The following ATP10B variants were observed in gnomAD, a reference collection of about 807,000 sequenced individuals.
The protein encoded by ATP10B is ATPase phospholipid transporting 10B (putative), also known as phospholipid-transporting ATPase VB.
In ATP10B, 122 loss-of-function variants were observed where a neutral mutation model predicts 141.2. The observed-to-expected ratio is 0.86, with a 90% confidence interval of 0.75 to 1.00. The LOEUF (loss-of-function observed/expected upper bound fraction) is 1.00. Among genes scored for constraint, ATP10B ranks in the 50% least tolerant of loss-of-function variants. The probability of loss-of-function intolerance (pLI) is 0.00; values close to 1 mark genes in which losing one functional copy is unlikely to be tolerated. For missense variants in ATP10B, 1,876 were observed against 1,825.3 expected, an observed-to-expected ratio of 1.03 and a Z score of -0.51; for synonymous variants, 685 against 692.0, an observed-to-expected ratio of 0.99 and a Z score of 0.16.
the ATP10B span, among the ~76,000 whole-genome samples, chr5:160,872,159 C>A: frequency 6.6e-6 from 1 of 152,094 alleles, no homozygotes; most frequent in African/African-American, 2.4e-5. Context: ...AGCATTTTTT[C>A]ATATATCTAT....
At chr5:160,894,402 A>C in the ATP10B span, among the ~76,000 whole-genome samples, 12 of 152,006 alleles carry the variant, frequency 7.9e-5, no homozygotes, top group African/African-American at 2.9e-4. Context: ...AACTTTGTGA[A>C]GCATATACAA....
chr5:160,606,660 C>T (rs2127631273), intron 19 of ATP10B, 105 bp downstream of exon 19: 1 of 1,136,240 alleles, frequency 8.8e-7, no homozygotes. Flanking sequence ...CAATGACTCA[C>T]AGCCTAAGCA....
chr5:160,761,435 C>G lies in ATP10B; in HGVS notation c.-331+24124G>C, dbSNP rs553444519. ...GCCAGCACCAGCCTACATTCCCCAG[C>G]ACCAGGGCCCAGTAGCCTTGCTGGG... is the stretch of plus-strand genomic sequence containing the variant. On this transcript the variant is annotated intron_variant, in intron 2 of 25. Coordinates refer to ENST00000327245, the MANE Select transcript of ATP10B (RefSeq NM_025153.3). Among the ~76,000 whole-genome samples, 3 of 146,830 alleles carry G rather than the reference C, an allele frequency of 2.0e-5. No homozygotes were observed. The South Asian group carries it at 6.5e-4, about 32-fold the overall frequency.
chr5:160,913,663 C>T, the ATP10B span, among the ~76,000 whole-genome samples: 21 of 152,244 alleles, frequency 1.4e-4, no homozygotes, highest in East Asian at 3.9e-4. Context: ...AAAAAGCTGA[C>T]GGCATTTAAA....
At chr5:160,874,838 A>G in the ATP10B span, among the ~76,000 whole-genome samples, 12 of 148,026 alleles carry the variant, frequency 8.1e-5, 1 homozygote, top group African/African-American at 2.0e-4. Context: ...TAGAGAAAAA[A>G]GAATAAAAAG....
intron 1 of ATP10B, among the ~76,000 whole-genome samples, chr5:160,849,875 T>A (rs931401209): frequency 8.5e-5 from 13 of 152,134 alleles, no homozygotes; most frequent in Non-Finnish European, 1.6e-4. Flanking sequence ...AAAAGAATTG[T>A]AAAACAATGT....
chr5:160,927,709 G>A, the ATP10B span, among the ~76,000 whole-genome samples: 1 of 152,230 alleles, frequency 6.6e-6, no homozygotes, highest in Non-Finnish European at 1.5e-5. Context: ...AAGCCCAGCG[G>A]ACACAGTAGT....
At chr5:160,671,156 C>A (rs1581322401) in intron 6 of ATP10B, among the ~76,000 whole-genome samples, 1 of 113,558 alleles carries the variant, frequency 8.8e-6, no homozygotes, top group Non-Finnish European at 1.7e-5. Context: ...CAAAGCAAGA[C>A]TCTGTCTCAA....
At chr5:160,679,798 C>A (rs1328356572) in intron 6 of ATP10B, among the ~76,000 whole-genome samples, 1 of 152,146 alleles carries the variant, frequency 6.6e-6, no homozygotes, top group Non-Finnish European at 1.5e-5. Context: ...AAGGAACCAC[C>A]CTGGATTCCC....
At chr5:160,825,058 T>C (rs1305704160) in intron 1 of ATP10B, among the ~76,000 whole-genome samples, 2 of 152,220 alleles carry the variant, frequency 1.3e-5, no homozygotes, top group Non-Finnish European at 2.9e-5. Context: ...TTTGTTTATG[T>C]CACTATTACA....
chr5:160,685,080 C>G (rs1418344129), intron 6 of ATP10B: 3 of 703,470 alleles, frequency 4.3e-6, no homozygotes, highest in Non-Finnish European at 7.8e-6. Context: ...ACACGGTGTA[C>G]TTGCTGGTCT....
the ATP10B span, among the ~76,000 whole-genome samples, chr5:160,881,578 C>T: frequency 3.3e-4 from 50 of 152,116 alleles, no homozygotes; most frequent in African/African-American, 9.9e-4. Context: ...TTTGGGAGGC[C>T]GAGGCGGGTG....
In ATP10B at chr5:160,662,527, G is replaced by C. The variant is rs1344354502; in HGVS notation, c.675+7936C>G. Among the ~76,000 whole-genome samples the C allele has an allele frequency of 4.4e-3, 674 of 152,118 alleles. 4 individuals carry two copies. Among genetic ancestry groups the C allele is most frequent in the Non-Finnish European group, 7.1e-3 (484 of 67,940 alleles). ...ACTATCTGATCTTTGACAAACCTGA[G>C]AAAAACAAGCAATGGGGAAAGGATT... On this transcript the variant is annotated intron_variant, in intron 7 of 25. Coordinates refer to ENST00000327245, the MANE Select transcript of ATP10B (RefSeq NM_025153.3).
intron 7 of ATP10B, among the ~76,000 whole-genome samples, chr5:160,658,205 G>C (rs986856378): frequency 1.3e-5 from 2 of 152,234 alleles, no homozygotes; most frequent in Non-Finnish European, 1.5e-5. Flanking sequence ...GATGGTGGTT[G>C]AGTAAATGAA....
At chr5:160,890,039 C>T in the ATP10B span, among the ~76,000 whole-genome samples, 1 of 152,192 alleles carries the variant, frequency 6.6e-6, no homozygotes, top group Non-Finnish European at 1.5e-5. Flanking sequence ...TGACTCCCTC[C>T]TGGCAATGTG....
chr5:160,805,017 C>CA (rs1453554696), intron 1 of ATP10B, among the ~76,000 whole-genome samples: 30 of 151,672 alleles, frequency 2.0e-4, no homozygotes, highest in Non-Finnish European at 4.4e-4. Context: ...TGTATTTGGC[C>CA]AAAAAAAAGC....
the ATP10B span, among the ~76,000 whole-genome samples, chr5:160,884,092 T>C: frequency 6.6e-6 from 1 of 152,206 alleles, no homozygotes; most frequent in Non-Finnish European, 1.5e-5. Flanking sequence ...TAAATAAGTA[T>C]AATTCACTGT....
the ATP10B span, among the ~76,000 whole-genome samples, chr5:160,863,542 C>T: frequency 6.6e-6 from 1 of 151,886 alleles, no homozygotes; most frequent in African/African-American, 2.4e-5. Context: ...TAATCTCTCA[C>T]CTCAAGAAAC....
chr5:160,653,748 TATAC>T (rs1761196005), intron 7 of ATP10B, among the ~76,000 whole-genome samples: 1 of 122,192 alleles, frequency 8.2e-6, no homozygotes, highest in Non-Finnish European at 1.6e-5. Context: ...ATATATTACA[TATAC>T]ATAAATATAT....
Sources: allele counts gnomAD v4.1 joint callset (sites outside exome capture counted in the v4.1 genomes callset), GRCh38; gene constraint gnomAD v4.1.1; transcripts MANE v1.5; gene names NCBI Gene and HGNC (gene_info 2026-07-23, HGNC 2026-07-21).